RNF180: variants seen among roughly 807,000 people sequenced by gnomAD.
RNF180 encodes the protein ring finger protein 180, also known as E3 ubiquitin-protein ligase RNF180.
In RNF180, 38 loss-of-function variants were observed where a neutral mutation model predicts 59.2. That is an observed-to-expected ratio of 0.64 (90% CI 0.50 to 0.84). The LOEUF (loss-of-function observed/expected upper bound fraction) is 0.84. Among genes scored for constraint, RNF180 ranks in the 40% least tolerant of loss-of-function variants. The pLI is 0.00. For missense variants in RNF180, 705 were observed against 700.9 expected, an observed-to-expected ratio of 1.01 and a Z score of -0.07; for synonymous variants, 262 against 240.3, an observed-to-expected ratio of 1.09 and a Z score of -0.84.
chr5:64,244,664 T>C (rs1743043219), intron 5 of RNF180, among the ~76,000 whole-genome samples: 2 of 152,294 alleles, frequency 1.3e-5, no homozygotes, highest in South Asian at 2.1e-4. Context: ...AAAAACACTC[T>C]TCAAGATATT....
chr5:64,192,924 T>C (rs1197619685), intron 1 of RNF180, among the ~76,000 whole-genome samples: 1 of 140,464 alleles, frequency 7.1e-6, no homozygotes, highest in South Asian at 2.2e-4. Flanking sequence ...TATATATATA[T>C]ATATATATAT....
At chr5:64,303,696 TTAAGG>T (rs1743283187) in intron 5 of RNF180, among the ~76,000 whole-genome samples, 1 of 151,482 alleles carries the variant, frequency 6.6e-6, no homozygotes, top group South Asian at 2.1e-4. Context: ...TTCATGAGGT[TTAAGG>T]AAAGAAGCTG....
chr5:64,183,560 G>A (rs942401168), intron 1 of RNF180, among the ~76,000 whole-genome samples: 2 of 136,360 alleles, frequency 1.5e-5, no homozygotes, highest in Non-Finnish European at 3.0e-5. Flanking sequence ...CAATTCTCAT[G>A]TCTCAACCTC....
At chr5:64,196,947 G>A (rs1346033363) in intron 1 of RNF180, among the ~76,000 whole-genome samples, 2 of 151,970 alleles carry the variant, frequency 1.3e-5, no homozygotes, top group African/African-American at 2.4e-5. Flanking sequence ...TTTAAAAATC[G>A]TTTTATTCGT....
At chr5:64,212,540 T>A (rs1662936258) in intron 3 of RNF180, among the ~76,000 whole-genome samples, 2 of 152,188 alleles carry the variant, frequency 1.3e-5, no homozygotes, top group African/African-American at 4.8e-5. Context: ...TTTTATATTT[T>A]GTTCATTTGT....
intron 5 of RNF180, among the ~76,000 whole-genome samples, chr5:64,229,504 T>C (rs1206054908): frequency 6.6e-6 from 1 of 152,242 alleles, no homozygotes; most frequent in Non-Finnish European, 1.5e-5. Flanking sequence ...TGCTTTATGA[T>C]AAAGGGTTTA....
At chr5:64,290,385 A>G (rs1344397455) in intron 5 of RNF180, among the ~76,000 whole-genome samples, 1 of 152,224 alleles carries the variant, frequency 6.6e-6, no homozygotes, top group Non-Finnish European at 1.5e-5. Flanking sequence ...GTAGATATCT[A>G]TCAGATATGC....
intron 1 of RNF180, among the ~76,000 whole-genome samples, chr5:64,196,249 T>TTTG (rs1751452796): frequency 1.3e-5 from 2 of 152,100 alleles, no homozygotes; most frequent in Non-Finnish European, 2.9e-5. Flanking sequence ...TTTACTAGCA[T>TTTG]TAGCTAGGAG....
chr5:64,345,009 T>G (rs888454465), intron 7 of RNF180, among the ~76,000 whole-genome samples: 10 of 152,048 alleles, frequency 6.6e-5, no homozygotes, highest in African/African-American at 2.4e-4. Context: ...ATTGCCTATA[T>G]TAATAAAATC....
At chr5:64,204,053 T>C (rs563096252) in intron 2 of RNF180, among the ~76,000 whole-genome samples, 2 of 152,288 alleles carry the variant, frequency 1.3e-5, no homozygotes, top group Admixed American at 1.3e-4. Context: ...GTTTATGAAC[T>C]TTCTGTAAAT....
intron 4 of RNF180, among the ~76,000 whole-genome samples, chr5:64,216,294 A>G (rs1367875498): frequency 6.6e-6 from 1 of 152,204 alleles, no homozygotes; most frequent in Non-Finnish European, 1.5e-5. Context: ...TAATTCAAGC[A>G]AAAAGACAAA....
chr5:64,307,637 A>G (rs972984054), intron 5 of RNF180, among the ~76,000 whole-genome samples: 7 of 151,760 alleles, frequency 4.6e-5, no homozygotes, highest in Non-Finnish European at 1.0e-4. Context: ...AATGTATTTA[A>G]TACACCTTAC....
intron 1 of RNF180, among the ~76,000 whole-genome samples, chr5:64,167,278 T>A (rs970757345): frequency 4.6e-5 from 7 of 152,220 alleles, no homozygotes; most frequent in Admixed American, 2.0e-4. Context: ...TTTTAATTAT[T>A]GTAATGAAAA....
Position 64,232,535 on chromosome 5 carries a change from A to G in RNF180, c.1227+15139A>G, listed in dbSNP as rs138667447. On this transcript the variant is annotated intron_variant, in intron 5 of 7. Transcript: ENST00000389100. ...TGTAGCCAGGCTTGGTAACTCTTAC[A>G]TGTTTGTTCAAAAGTTTAGGAGAAT... 8.6e-4 allele frequency among the ~76,000 whole-genome samples: 131 copies of G among 152,324 alleles called. 1 individual carries two copies. Among genetic ancestry groups the G allele is most frequent in the African/African-American group, 3.0e-3 (124 of 41,574 alleles).
At chr5:64,326,384 G>T (rs574557654) in intron 6 of RNF180, among the ~76,000 whole-genome samples, 1 of 152,144 alleles carries the variant, frequency 6.6e-6, no homozygotes, top group Admixed American at 6.5e-5. Flanking sequence ...ATTAATATTT[G>T]CTAAGCATAC....
intron 1 of RNF180, among the ~76,000 whole-genome samples, chr5:64,169,437 T>C (rs1749821366): frequency 6.6e-6 from 1 of 152,188 alleles, no homozygotes; most frequent in East Asian, 1.9e-4. Context: ...GAGAGATCAT[T>C]GACATTCAGC....
At chr5:64,198,821 T>A (rs1350831091) in intron 1 of RNF180, among the ~76,000 whole-genome samples, 1 of 152,002 alleles carries the variant, frequency 6.6e-6, no homozygotes, top group Non-Finnish European at 1.5e-5. Context: ...TTAAACAATT[T>A]TTTTTTTTTT....
intron 7 of RNF180, among the ~76,000 whole-genome samples, chr5:64,363,486 A>G (rs944401457): frequency 2.0e-5 from 3 of 151,654 alleles, no homozygotes; most frequent in African/African-American, 4.8e-5. Context: ...TTTGGTTGCT[A>G]TCGCCCTGTA....
chr5:64,348,175 TTC>T (rs1745629500), intron 7 of RNF180, among the ~76,000 whole-genome samples: 1 of 152,064 alleles, frequency 6.6e-6, no homozygotes, highest in African/African-American at 2.4e-5. Context: ...TATTAGGTTT[TTC>T]TTCAATACTA....
Sources: allele counts gnomAD v4.1 joint callset (sites outside exome capture counted in the v4.1 genomes callset), GRCh38; gene constraint gnomAD v4.1.1; transcripts MANE v1.5; gene names NCBI Gene and HGNC (gene_info 2026-07-23, HGNC 2026-07-21).